NEK10: variants seen among roughly 807,000 people sequenced by gnomAD.
The protein encoded by NEK10 is NIMA related kinase 10.
NEK10 carries 122 observed loss-of-function variants against 159.8 expected under a neutral mutation model. The observed-to-expected ratio is 0.76, with a 90% CI of 0.66 to 0.89. The LOEUF (loss-of-function observed/expected upper bound fraction) is 0.89, where lower values mean the gene tolerates loss of function less well. Ranked by LOEUF, NEK10 falls within the 40% of genes least tolerant of loss-of-function variation. The pLI is 0.00. For missense variants in NEK10, 1,342 were observed against 1,323.1 expected (o/e 1.01, Z -0.22); for synonymous variants, 466 against 457.1 (o/e 1.02, Z -0.25).
Position 27,195,862 on chromosome 3 carries a change from C to G in NEK10, c.2292-3620G>C, listed in dbSNP as rs894057522. ...TATAAACTTCATTCTGTACATAATA[C>G]AATATCATTATTAATACTAATAATA... is the stretch of plus-strand genomic sequence containing the variant. On this transcript the variant is annotated intron_variant, in intron 25 of 35. Transcript: ENST00000691995. Among the ~76,000 whole-genome samples the G allele has an allele frequency of 3.3e-5, 5 of 152,264 alleles. No individual in the cohort carries two copies. In the East Asian group the frequency reaches 9.6e-4, roughly 29 times the overall value.
rs184414343 is a variant in NEK10 at position 27,228,311 on chromosome 3, T to A, written c.2091-25754A>T. Among the ~76,000 whole-genome samples, 296 of 152,212 alleles carry A rather than the reference T, an allele frequency of 1.9e-3. 1 individual carries two copies. The highest frequency in any genetic ancestry group is 1.6e-3 in the Non-Finnish European group (111 of 68,002). ...ATTTCCTCATGATGACTTAAAATAA[T>A]ATATTTGGAATTACCACTTTCCCTC... On this transcript the variant is annotated intron_variant, in intron 23 of 35. Coordinates refer to ENST00000691995, the MANE Select transcript of NEK10 (RefSeq NM_001394966.1).
At chr3:27,214,547 T>TAC (rs1462831068) in intron 23 of NEK10, among the ~76,000 whole-genome samples, 5 of 110,914 alleles carry the variant, frequency 4.5e-5, no homozygotes, top group Admixed American at 1.0e-4. Context: ...TTTACTTTCT[T>TAC]TCTTTTTTTT....
In NEK10 at chr3:27,237,371, T is replaced by C. The variant is rs530498982; in HGVS notation, c.2090+18925A>G. ...ACAGGCATAAGAAATTATAAGAGTATTATTTGGGAACTGATAAATGTCCAT... is the reference window on the plus strand; with the variant it reads ...ACAGGCATAAGAAATTATAAGAGTACTATTTGGGAACTGATAAATGTCCAT... On this transcript the variant is annotated intron_variant, in intron 23 of 35. Coordinates refer to ENST00000691995, the MANE Select transcript of NEK10 (RefSeq NM_001394966.1). Among the ~76,000 whole-genome samples the C allele has an allele frequency of 7.2e-5, 11 of 152,266 alleles. No homozygotes were observed. The East Asian group carries it at 1.4e-3, about 19-fold the overall frequency.
chr3:27,297,006 G>T lies in NEK10; in HGVS notation c.1230+173C>A, dbSNP rs1368141282. Among the ~76,000 whole-genome samples, 10 of 152,212 alleles carry T rather than the reference G, an allele frequency of 6.6e-5. No homozygotes were observed. The South Asian group carries it at 1.9e-3, about 28-fold the overall frequency. Reference sequence around the variant, plus strand: ...TTTTAAGTCAAATGAGTTAAAGGAGGAAGGAGAAGAATATAAAGTGGAACT... The same window carrying T: ...TTTTAAGTCAAATGAGTTAAAGGAGTAAGGAGAAGAATATAAAGTGGAACT... On this transcript the variant is annotated intron_variant, in intron 14 of 35. Transcript: ENST00000691995.
intron 31 of NEK10, among the ~76,000 whole-genome samples, chr3:27,137,372 A>G (rs752730997): frequency 1.3e-5 from 2 of 152,342 alleles, no homozygotes; most frequent in African/African-American, 4.8e-5. Context: ...AAAGTTTTTT[A>G]TTACATAAAA....
intron 30 of NEK10, among the ~76,000 whole-genome samples, chr3:27,148,954 T>A (rs902071721): frequency 1.3e-5 from 2 of 151,950 alleles, no homozygotes; most frequent in African/African-American, 4.8e-5. Flanking sequence ...AAAATCTACA[T>A]CTCCAAGAAG....
intron 30 of NEK10, among the ~76,000 whole-genome samples, chr3:27,161,255 C>G (rs1183773540): frequency 6.6e-6 from 1 of 152,136 alleles, no homozygotes; most frequent in Non-Finnish European, 1.5e-5. Flanking sequence ...ATATTTTGAA[C>G]TTACCTTTTC....
chr3:27,230,611 T>C (rs1953134222), intron 23 of NEK10, among the ~76,000 whole-genome samples: 1 of 152,026 alleles, frequency 6.6e-6, no homozygotes, highest in Non-Finnish European at 1.5e-5. Context: ...AAATATCTGC[T>C]GTCCTCAAGA....
At chr3:27,201,402 G>T in intron 25 of NEK10, 108 bp downstream of exon 25, 1 of 909,234 alleles carries the variant, frequency 1.1e-6, no homozygotes, top group Non-Finnish European at 1.7e-6. Context: ...TTTGGATTAT[G>T]TAGGGACTCT....
intron 23 of NEK10, among the ~76,000 whole-genome samples, chr3:27,241,432 A>G (rs970548061): frequency 1.3e-5 from 2 of 152,142 alleles, no homozygotes; most frequent in African/African-American, 2.4e-5. Flanking sequence ...TGTGTCTGCA[A>G]CATGATGAGC....
intron 23 of NEK10, among the ~76,000 whole-genome samples, chr3:27,224,188 A>C (rs977163374): frequency 6.6e-6 from 1 of 152,220 alleles, no homozygotes; most frequent in African/African-American, 2.4e-5. Flanking sequence ...TTCCCTTCCC[A>C]GATCTGTCCT....
At chr3:27,244,941 A>G (rs536025284) in intron 23 of NEK10, among the ~76,000 whole-genome samples, 18 of 152,228 alleles carry the variant, frequency 1.2e-4, no homozygotes, top group Admixed American at 1.2e-3. Flanking sequence ...TCTGCTGTCT[A>G]TTGGGCTACC....
intron 32 of NEK10, among the ~76,000 whole-genome samples, chr3:27,128,234 G>T (rs1285787008): frequency 6.6e-6 from 1 of 152,158 alleles, no homozygotes; most frequent in Non-Finnish European, 1.5e-5. Flanking sequence ...CATCAGAAAT[G>T]ATTGGCCTGA....
intron 26 of NEK10, among the ~76,000 whole-genome samples, chr3:27,189,057 C>T (rs1948881345): frequency 6.6e-6 from 1 of 152,082 alleles, no homozygotes. Flanking sequence ...AATTTTATTT[C>T]CTTTTACTCT....
chr3:27,340,430 C>T (rs867193993), intron 5 of NEK10, among the ~76,000 whole-genome samples: 6 of 151,936 alleles, frequency 3.9e-5, no homozygotes, highest in Admixed American at 6.6e-5. Flanking sequence ...ACCTAGACAA[C>T]GGGTGGATAG....
chr3:27,174,409 C>A, intron 28 of NEK10, 30 bp downstream of exon 28: 1 of 1,608,486 alleles, frequency 6.2e-7, no homozygotes, highest in East Asian at 2.2e-5. Flanking sequence ...CGGAATCCCA[C>A]AAACAGCAAA....
At chr3:27,121,060 C>T (rs182154980) in intron 32 of NEK10, among the ~76,000 whole-genome samples, 6 of 152,242 alleles carry the variant, frequency 3.9e-5, no homozygotes, top group Admixed American at 3.9e-4. Flanking sequence ...TACCCTATGA[C>T]CCAGCAATCT....
In NEK10 at chr3:27,312,107, T is replaced by C. The variant is rs2044744303; in HGVS notation, c.560A>G (p.Asn187Ser). The C allele has an allele frequency of 6.2e-7, 1 of 1,610,666 alleles. No individual in the cohort carries two copies. The highest frequency in any genetic ancestry group is 8.5e-7 in the Non-Finnish European group (1 of 1,177,338). ...EEQHTVDKLV[N>S]MTYIFQKLAA... is the part of the protein sequence containing the mutation. ...CCTGCAATAACACTTACATGTCATGTTGACCAGCTTGTCCACAGTGTGCTG... is the reference window on the plus strand; with the variant it reads ...CCTGCAATAACACTTACATGTCATGCTGACCAGCTTGTCCACAGTGTGCTG... The change falls in exon 8 of 36, where the codon AAC becomes AGC. Residue 187 changes from asparagine to serine, a missense_variant. Coordinates refer to ENST00000691995, the MANE Select transcript of NEK10 (RefSeq NM_001394966.1).
intron 23 of NEK10, among the ~76,000 whole-genome samples, chr3:27,227,346 A>T (rs544961355): frequency 6.6e-6 from 1 of 152,344 alleles, no homozygotes; most frequent in Admixed American, 6.5e-5. Context: ...GGGGAAAGAC[A>T]TGGAAGCAGG....
Sources: allele counts gnomAD v4.1 joint callset (sites outside exome capture counted in the v4.1 genomes callset), GRCh38; gene constraint gnomAD v4.1.1; transcripts MANE v1.5; gene names NCBI Gene and HGNC (gene_info 2026-07-23, HGNC 2026-07-21).